Variants in ERBB4 observed in about 807,000 individuals in gnomAD.
The protein encoded by ERBB4 is erb-b2 receptor tyrosine kinase 4.
A neutral mutation model predicts 158.0 loss-of-function variants in ERBB4; 42 were observed. The observed-to-expected ratio is 0.27, with a 90% CI of 0.21 to 0.34. The LOEUF (loss-of-function observed/expected upper bound fraction) is 0.34. Among genes scored for constraint, ERBB4 ranks in the 10% least tolerant of loss-of-function variants. The pLI, the probability that ERBB4 is intolerant of heterozygous loss-of-function variation, is 1.00. For synonymous variants in ERBB4, 583 were observed against 558.7 expected (o/e 1.04, Z -0.61); for missense variants, 1,333 against 1,624.1 (o/e 0.82, Z 3.08).
chr2:211,683,109 A>G (rs1045090158), intron 12 of ERBB4, among the ~76,000 whole-genome samples: 1 of 151,654 alleles, frequency 6.6e-6, no homozygotes, highest in Admixed American at 6.6e-5. Context: ...TTTAAATTTA[A>G]TATTTTATTC....
chr2:211,612,297 G>A (rs1040756948), intron 19 of ERBB4, among the ~76,000 whole-genome samples: 2 of 152,028 alleles, frequency 1.3e-5, no homozygotes, highest in African/African-American at 4.8e-5. Flanking sequence ...TGCTGATATT[G>A]TGCTTGCTCA....
chr2:212,458,276 T>G (rs1481851774), intron 1 of ERBB4, among the ~76,000 whole-genome samples: 2 of 152,094 alleles, frequency 1.3e-5, no homozygotes, highest in African/African-American at 4.8e-5. Flanking sequence ...AATTCCATTT[T>G]TTTTTAGGGG....
chr2:211,775,816 T>C (rs1343261785), intron 4 of ERBB4, among the ~76,000 whole-genome samples: 1 of 152,232 alleles, frequency 6.6e-6, no homozygotes, highest in African/African-American at 2.4e-5. Context: ...TGAGATTTCC[T>C]GGACATAGAA....
intron 1 of ERBB4, among the ~76,000 whole-genome samples, chr2:212,357,032 T>C (rs1409220369): frequency 6.6e-6 from 1 of 151,890 alleles, no homozygotes; most frequent in South Asian, 2.1e-4. Context: ...TTTTAACATA[T>C]GTAAATAAAA....
At chr2:212,111,790 AAAGAT>A (rs891391727) in intron 2 of ERBB4, among the ~76,000 whole-genome samples, 9 of 152,176 alleles carry the variant, frequency 5.9e-5, no homozygotes, top group Non-Finnish European at 1.2e-4. Flanking sequence ...GGATATAAAG[AAAGAT>A]AAGATGTAGC....
Position 211,376,876 on chromosome 2 carries a change from A to C in ERBB4, c.*6739T>G. ...CCACGCAATCCCTGGTGCTCTCAACATGAGAAGGAGACACACCAGCCAGGG... is the reference window on the plus strand; with the variant it reads ...CCACGCAATCCCTGGTGCTCTCAACCTGAGAAGGAGACACACCAGCCAGGG... On this transcript the variant is annotated 3_prime_UTR_variant, in exon 28 of 28. Transcript: ENST00000342788. 1 of 233,220 alleles carries C rather than the reference A, an allele frequency of 4.3e-6. No individual in the cohort carries two copies. The highest frequency in any genetic ancestry group is 1.8e-4 in the South Asian group (1 of 5,524). The allele number at this position is 233,220 out of a possible 1,614,324, so 14.4% of individuals were successfully genotyped here.
intron 1 of ERBB4, among the ~76,000 whole-genome samples, chr2:212,485,191 C>A (rs78592198): frequency 0.07 from 10,593 of 151,978 alleles, 511 homozygotes; most frequent in African/African-American, 0.13. Context: ...CCAGGAAATA[C>A]CCTATTTTCT....
intron 1 of ERBB4, among the ~76,000 whole-genome samples, chr2:212,187,431 AT>A (rs2125701829): frequency 7.5e-6 from 1 of 133,304 alleles, no homozygotes; most frequent in South Asian, 2.8e-4. Context: ...TAATAAATAA[AT>A]AAATAAATAA....
chr2:212,437,547 T>G (rs1369315144), intron 1 of ERBB4, among the ~76,000 whole-genome samples: 1 of 151,936 alleles, frequency 6.6e-6, no homozygotes, highest in Non-Finnish European at 1.5e-5. Context: ...ATAAACTCAT[T>G]TATCTGGCCC....
At chr2:212,087,097 T>C (rs2078638371) in intron 2 of ERBB4, among the ~76,000 whole-genome samples, 1 of 151,914 alleles carries the variant, frequency 6.6e-6, no homozygotes, top group East Asian at 1.9e-4. Flanking sequence ...CTGTTGATTG[T>C]TATGATTACA....
chr2:211,727,497 T>A (rs1404074200), intron 5 of ERBB4, among the ~76,000 whole-genome samples: 1 of 152,068 alleles, frequency 6.6e-6, no homozygotes, highest in East Asian at 1.9e-4. Context: ...AAATCATATA[T>A]TGCCAACTCA....
chr2:211,701,673 G>A (rs2073249514), intron 12 of ERBB4, among the ~76,000 whole-genome samples: 1 of 146,386 alleles, frequency 6.8e-6, no homozygotes, highest in Non-Finnish European at 1.5e-5. Flanking sequence ...GGAGAATGGC[G>A]TGAACCTGGG....
chr2:211,986,682 A>G (rs1364750796), intron 2 of ERBB4, among the ~76,000 whole-genome samples: 1 of 152,182 alleles, frequency 6.6e-6, no homozygotes, highest in Non-Finnish European at 1.5e-5. Flanking sequence ...TCTGTGGCAT[A>G]ACAGGTACAC....
At chr2:212,417,991 G>A (rs2091697088) in intron 1 of ERBB4, among the ~76,000 whole-genome samples, 1 of 151,732 alleles carries the variant, frequency 6.6e-6, no homozygotes, top group Non-Finnish European at 1.5e-5. Context: ...AAAAGAGAAA[G>A]AGGCACCAGA....
chr2:211,858,649 T>A (rs2077933895), intron 3 of ERBB4, among the ~76,000 whole-genome samples: 1 of 152,172 alleles, frequency 6.6e-6, no homozygotes, highest in South Asian at 2.1e-4. Context: ...CTGTTAGCTA[T>A]AACAAAAACC....
intron 1 of ERBB4, among the ~76,000 whole-genome samples, chr2:212,449,578 G>GT (rs1418317676): frequency 6.6e-6 from 1 of 151,886 alleles, no homozygotes; most frequent in Non-Finnish European, 1.5e-5. Context: ...TTCCAATCTG[G>GT]TTTGACTACA....
intron 5 of ERBB4, among the ~76,000 whole-genome samples, chr2:211,750,128 A>G (rs958875840): frequency 6.6e-6 from 1 of 152,220 alleles, no homozygotes. Flanking sequence ...AGTATAAACT[A>G]AGGGCAATAG....
chr2:211,504,531 G>C (rs1324120519), intron 20 of ERBB4, among the ~76,000 whole-genome samples: 1 of 151,746 alleles, frequency 6.6e-6, no homozygotes, highest in African/African-American at 2.4e-5. Context: ...ACCAGCACAG[G>C]AACTCTAGCA....
chr2:212,239,386 C>A (rs2084000402), intron 1 of ERBB4, among the ~76,000 whole-genome samples: 1 of 152,118 alleles, frequency 6.6e-6, no homozygotes, highest in African/African-American at 2.4e-5. Context: ...TTGCATATGC[C>A]CTACATTTCT....
Sources: allele counts gnomAD v4.1 joint callset (sites outside exome capture counted in the v4.1 genomes callset), GRCh38; gene constraint gnomAD v4.1.1; transcripts MANE v1.5; gene names NCBI Gene and HGNC (gene_info 2026-07-23, HGNC 2026-07-21).